ATP8A2: variants seen among roughly 807,000 people sequenced by gnomAD.
ATP8A2 encodes phospholipid-transporting ATPase IB.
ATP8A2 carries 100 observed loss-of-function variants against 165.6 expected under a neutral mutation model. The ratio of observed to expected loss-of-function variants is 0.60; its 90% CI spans 0.51 to 0.71. The LOEUF (loss-of-function observed/expected upper bound fraction) is 0.71. Ranked by LOEUF, ATP8A2 falls within the 30% of genes least tolerant of loss-of-function variation. ATP8A2 has a pLI of 0.00. For synonymous variants in ATP8A2, 543 were observed against 548.8 expected, an observed-to-expected ratio of 0.99 and a Z score of 0.15; for missense variants, 1,227 against 1,479.5, an observed-to-expected ratio of 0.83 and a Z score of 2.80.
At chr13:25,761,766 C>A (rs1469442913) in intron 25 of ATP8A2, among the ~76,000 whole-genome samples, 1 of 151,600 alleles carries the variant, frequency 6.6e-6, no homozygotes, top group Admixed American at 6.6e-5. Flanking sequence ...CCCAAGACTA[C>A]TTGTAAATGT....
intron 24 of ATP8A2, among the ~76,000 whole-genome samples, chr13:25,642,941 T>G (rs1414323473): frequency 3.9e-5 from 6 of 152,310 alleles, no homozygotes. Flanking sequence ...GAAACCATTA[T>G]TCTCAGCAAA....
chr13:25,559,935 C>T (rs2039092047), intron 15 of ATP8A2, among the ~76,000 whole-genome samples, 170 bp downstream of exon 15: 1 of 152,128 alleles, frequency 6.6e-6, no homozygotes. Flanking sequence ...TCAAGTGATC[C>T]TCCTGCCTCA....
rs1242291524 is a variant in ATP8A2, at chr13:25,531,212, TATATATG to T, written c.420+560_420+566del. Among the ~76,000 whole-genome samples the T allele has an allele frequency of 8.6e-4, 120 of 139,030 alleles. 1 individual carries two copies. Among genetic ancestry groups the T allele is most frequent in the African/African-American group, 3.0e-3 (110 of 36,340 alleles). The allele number at this position is 139,030 out of a possible 152,430, so 91.2% of individuals were successfully genotyped here. A position where few individuals can be genotyped will look rare whatever the true frequency, so the allele number is the denominator to read the frequency against. ...TATATATGTTATATATGATATATGT[TATATATG>T]ATATATGTTATATATGATATATATG... On this transcript the variant is annotated intron_variant, in intron 4 of 36. Coordinates refer to ENST00000381655, the MANE Select transcript of ATP8A2 (RefSeq NM_016529.6).
intron 2 of ATP8A2, among the ~76,000 whole-genome samples, chr13:25,523,428 T>C (rs2037735964): frequency 6.6e-6 from 1 of 152,108 alleles, no homozygotes; most frequent in African/African-American, 2.4e-5. Flanking sequence ...ACACACCACC[T>C]TGCCTGGCTA....
chr13:25,502,670 C>G (rs2036891508), intron 2 of ATP8A2, among the ~76,000 whole-genome samples: 1 of 152,232 alleles, frequency 6.6e-6, no homozygotes, highest in African/African-American at 2.4e-5. Context: ...GGTGGATCCT[C>G]TACCTAGAAC....
intron 9 of ATP8A2, 83 bp downstream of exon 9, chr13:25,542,129 G>T (rs1371472289): frequency 2.9e-6 from 4 of 1,372,752 alleles, no homozygotes; most frequent in Admixed American, 2.0e-5. Flanking sequence ...TTGTTTCCTA[G>T]TTTTGTAATA....
intron 34 of ATP8A2, among the ~76,000 whole-genome samples, chr13:25,968,241 T>G (rs1027469016): frequency 6.6e-6 from 1 of 152,230 alleles, no homozygotes; most frequent in Non-Finnish European, 1.5e-5. Context: ...TTTCAGTTCC[T>G]GACAAGAAAT....
chr13:25,540,930 C>T (rs571075946), intron 8 of ATP8A2, among the ~76,000 whole-genome samples: 28 of 151,356 alleles, frequency 1.8e-4, no homozygotes, highest in Non-Finnish European at 2.5e-4. Flanking sequence ...GATGCGACCT[C>T]GGCTTACTAC....
chr13:25,544,488 A>T, intron 10 of ATP8A2, among the ~76,000 whole-genome samples: 1 of 152,112 alleles, frequency 6.6e-6, no homozygotes, highest in Admixed American at 6.5e-5. Context: ...GCTAGTAAAC[A>T]CATTGGAGAC....
intron 24 of ATP8A2, among the ~76,000 whole-genome samples, chr13:25,689,350 A>T (rs1395533304): frequency 6.6e-6 from 1 of 152,240 alleles, no homozygotes; most frequent in Non-Finnish European, 1.5e-5. Flanking sequence ...TCTTAATGAG[A>T]TTAATAACCC....
intron 35 of ATP8A2, among the ~76,000 whole-genome samples, chr13:25,970,039 T>C (rs1955877407): frequency 6.6e-6 from 1 of 152,144 alleles, no homozygotes; most frequent in Non-Finnish European, 1.5e-5. Flanking sequence ...GCAGGAAACA[T>C]TGCATAATGA....
rs185252972 is a variant in ATP8A2, at chr13:25,437,406, G to A, written c.77-31571G>A. 3.3e-5 allele frequency among the ~76,000 whole-genome samples: 5 copies of A among 152,268 alleles called. No individual in the cohort carries two copies. The East Asian group carries it at 9.6e-4, about 29-fold the overall frequency. ...TTTGGAACAAGGTTTCCATGGTCCT[G>A]ACATTGCTACTTTAATAGAAACCCT... On this transcript the variant is annotated intron_variant, in intron 1 of 36. Transcript: ENST00000381655.
chr13:25,734,955 T>C (rs2043735407), intron 25 of ATP8A2, among the ~76,000 whole-genome samples: 1 of 152,070 alleles, frequency 6.6e-6, no homozygotes, highest in South Asian at 2.1e-4. Context: ...AGGTGTCTAA[T>C]AGAGGTGAGA....
At position 25,837,227 on chromosome 13, in the gene ATP8A2, T is replaced by C. The variant is rs758415179; in HGVS notation, c.2819T>C (p.Met940Thr). The change falls in exon 29 of 37, where the codon ATG becomes ACG. Residue 940 changes from methionine (M) to threonine (T), a missense_variant. Met to Thr is a moderately conservative substitution (Grantham distance 81). Around this residue, in one of 5 missense-constraint regions of ATP8A2, gnomAD observed 592 missense variants for 785.6 expected, o/e 0.75. Transcript: ENST00000381655. Reference protein sequence around the residue: ...IFERSCTQESMLRFPQLYKIT... With the variant: ...IFERSCTQESTLRFPQLYKIT... ...GAGAGGTCTTGCACTCAGGAGAGCA[T>C]GCTCAGGTTTCCCCAGCTCTACAAA... 1 of 1,614,100 alleles carries C rather than the reference T, an allele frequency of 6.2e-7. No individual in the cohort carries two copies.
At chr13:26,005,610 C>T (rs549683617) in intron 35 of ATP8A2, among the ~76,000 whole-genome samples, 4 of 152,060 alleles carry the variant, frequency 2.6e-5, no homozygotes, top group Admixed American at 2.6e-4. Context: ...TGCTGCAACC[C>T]ATAAATTTAG....
intron 11 of ATP8A2, 137 bp from the exon 12 acceptor site, chr13:25,553,656 C>G: frequency 1.2e-6 from 1 of 820,104 alleles, no homozygotes; most frequent in Non-Finnish European, 2.0e-6. Context: ...CTGTGTGCCT[C>G]CTACAGAAAG....
chr13:25,399,397 C>CTTTTTTT (rs71077467), intron 1 of ATP8A2, among the ~76,000 whole-genome samples: 36,634 of 73,698 alleles, frequency 0.5, 11,817 homozygotes, highest in Non-Finnish European at 0.63. Context: ...AGTGGTTCTT[C>CTTTTTTT]TTTTTTTTTT....
At chr13:25,748,898 C>T (rs935566607) in intron 25 of ATP8A2, among the ~76,000 whole-genome samples, 2 of 152,044 alleles carry the variant, frequency 1.3e-5, no homozygotes, top group African/African-American at 4.8e-5. Flanking sequence ...GTAAAGAGTG[C>T]CCCCCATCAC....
chr13:25,742,062 T>C (rs2043925110), intron 25 of ATP8A2, among the ~76,000 whole-genome samples: 1 of 152,198 alleles, frequency 6.6e-6, no homozygotes, highest in African/African-American at 2.4e-5. Context: ...TGTGTGAACA[T>C]CATAGAGTAT....
Sources: gnomAD v4.1 joint callset for allele counts (sites outside exome capture counted in the v4.1 genomes callset) on GRCh38, gnomAD v4.1.1 for gene constraint, gnomAD v4.1.1 regional missense constraint, MANE v1.5 for transcripts, NCBI Gene and HGNC (gene_info 2026-07-23, HGNC 2026-07-21) for gene names.